DOCK2: variants seen among roughly 807,000 people sequenced by gnomAD.
DOCK2 encodes the protein dedicator of cytokinesis 2.
A neutral mutation model predicts 248.9 loss-of-function variants in DOCK2; 87 were observed. The observed-to-expected ratio is 0.35, with a 90% confidence interval of 0.29 to 0.42. DOCK2 has a LOEUF of 0.42. Among genes scored for constraint, DOCK2 ranks in the 10% least tolerant of loss-of-function variants. The pLI is 1.00. For synonymous variants in DOCK2, 805 were observed against 821.6 expected (o/e 0.98, Z 0.35); for missense variants, 1,747 against 2,300.2 (o/e 0.76, Z 4.92).
chr5:169,714,267 T>C (rs1581082454), intron 18 of DOCK2, 56 bp downstream of exon 18: 1 of 1,607,482 alleles, frequency 6.2e-7, no homozygotes, highest in African/African-American at 1.3e-5. Context: ...CGTGTGTGTG[T>C]ACATGTGTGT....
intron 24 of DOCK2, 89 bp downstream of exon 24, chr5:169,759,864 G>A: frequency 7.0e-7 from 1 of 1,433,176 alleles, no homozygotes. Context: ...GCTCCAGATG[G>A]GCACTCAGCT....
chr5:169,910,675 C>A (rs1561816408), intron 27 of DOCK2, among the ~76,000 whole-genome samples: 2 of 152,196 alleles, frequency 1.3e-5, no homozygotes, highest in Admixed American at 6.5e-5. Context: ...CCAAAATGAC[C>A]TGTTACATCT....
intron 27 of DOCK2, among the ~76,000 whole-genome samples, chr5:169,962,174 T>A (rs1253629267): frequency 6.6e-6 from 1 of 151,666 alleles, no homozygotes; most frequent in African/African-American, 2.4e-5. Context: ...TCTACTCTGG[T>A]TGCTCCCTGG....
At position 169,714,953 on chromosome 5, in the gene DOCK2, A is replaced by C. The variant is rs13356811; in HGVS notation, c.1941+496A>C. On this transcript the variant is annotated intron_variant, in intron 19 of 51. Transcript: ENST00000520908. ...TATATATGTATGTATGTGTGTGAGC[A>C]TATATATGTGTGCATATGTATATAT... Among the ~76,000 whole-genome samples, 582 of 152,310 alleles carry C rather than the reference A, an allele frequency of 3.8e-3. 7 individuals are homozygous for C. Among genetic ancestry groups the C allele is most frequent in the African/African-American group, 0.014 (562 of 41,562 alleles).
intron 45 of DOCK2, 151 bp downstream of exon 45, chr5:170,067,837 T>A: frequency 1.3e-6 from 1 of 789,572 alleles, no homozygotes. Flanking sequence ...CCCTCATGTT[T>A]CTATAGCCTC....
chr5:169,678,815 T>G, intron 6 of DOCK2, among the ~76,000 whole-genome samples: 1 of 141,490 alleles, frequency 7.1e-6, no homozygotes, highest in Non-Finnish European at 1.5e-5. Flanking sequence ...ACATTAGGAG[T>G]GCAGGAAGCA....
intron 27 of DOCK2, among the ~76,000 whole-genome samples, chr5:169,941,908 A>G (rs1776259984): frequency 6.6e-6 from 1 of 152,214 alleles, no homozygotes; most frequent in Admixed American, 6.5e-5. Flanking sequence ...TCTGTCACCT[A>G]TAAATGTCAA....
chr5:169,688,018 G>A (rs1038258593), intron 8 of DOCK2, among the ~76,000 whole-genome samples: 6 of 152,118 alleles, frequency 3.9e-5, no homozygotes, highest in East Asian at 1.9e-4. Context: ...TCCACCTCCC[G>A]GGTTCAAGTG....
intron 27 of DOCK2, among the ~76,000 whole-genome samples, chr5:169,938,910 CTT>C (rs60068204): frequency 7.1e-6 from 1 of 141,214 alleles, no homozygotes; most frequent in African/African-American, 2.6e-5. Context: ...TTTTTCTTTT[CTT>C]TTTTTTTTTG....
chr5:169,975,450 C>T (rs1159456102), intron 27 of DOCK2, among the ~76,000 whole-genome samples: 1 of 152,158 alleles, frequency 6.6e-6, no homozygotes, highest in Non-Finnish European at 1.5e-5. Context: ...GATCAGACTG[C>T]TGCCTGTCTC....
intron 27 of DOCK2, among the ~76,000 whole-genome samples, chr5:169,941,627 TTAAAC>T (rs1776251366): frequency 6.6e-6 from 1 of 152,144 alleles, no homozygotes; most frequent in South Asian, 2.1e-4. Context: ...CTGGACTTGA[TTAAAC>T]TAAGAGCTGT....
At chr5:169,985,252 GCTCACT>G (rs1261196051) in intron 28 of DOCK2, among the ~76,000 whole-genome samples, 2 of 151,934 alleles carry the variant, frequency 1.3e-5, no homozygotes, top group Non-Finnish European at 2.9e-5. Context: ...AAAAAGTATG[GCTCACT>G]GCAAAATCTA....
intron 27 of DOCK2, among the ~76,000 whole-genome samples, chr5:169,972,594 A>AGAT (rs1197155330): frequency 2.5e-5 from 2 of 80,192 alleles, no homozygotes; most frequent in Non-Finnish European, 5.9e-5. Context: ...GATGATAGAT[A>AGAT]GATAGATAGA....
At chr5:170,050,159 C>G in intron 40 of DOCK2, 97 bp from the exon 41 acceptor site, 1 of 1,494,852 alleles carries the variant, frequency 6.7e-7, no homozygotes, top group Non-Finnish European at 9.1e-7. Flanking sequence ...TGGACATCCC[C>G]ATGGACCGTG....
chr5:169,892,362 T>C (rs1266600454), intron 27 of DOCK2, among the ~76,000 whole-genome samples: 1 of 152,252 alleles, frequency 6.6e-6, no homozygotes, highest in Non-Finnish European at 1.5e-5. Context: ...GCTTCTAGCA[T>C]GGAGCAGGAG....
At chr5:169,725,972 T>C (rs1315418797) in intron 22 of DOCK2, among the ~76,000 whole-genome samples, 1 of 152,222 alleles carries the variant, frequency 6.6e-6, no homozygotes, top group Non-Finnish European at 1.5e-5. Context: ...AAAATACATG[T>C]GCATGTGTCT....
chr5:170,077,918 A>G (rs778045266), intron 48 of DOCK2, 81 bp downstream of exon 48: 8 of 1,175,828 alleles, frequency 6.8e-6, no homozygotes, highest in Non-Finnish European at 9.7e-6. Flanking sequence ...CTTCTCCGGC[A>G]ACATCCCTTC....
At chr5:170,009,775 A>G (rs982952736) in intron 32 of DOCK2, among the ~76,000 whole-genome samples, 3 of 152,116 alleles carry the variant, frequency 2.0e-5, no homozygotes, top group East Asian at 3.9e-4. Context: ...AGCGAGTTCT[A>G]TCCACTGTGG....
intron 1 of DOCK2, among the ~76,000 whole-genome samples, chr5:169,647,009 C>A (rs1174309653): frequency 1.3e-5 from 2 of 152,196 alleles, no homozygotes; most frequent in Admixed American, 6.5e-5. Flanking sequence ...CCAGTCATAA[C>A]CTCTCTTTCT....
Sources: gnomAD v4.1 joint callset for allele counts (sites outside exome capture counted in the v4.1 genomes callset) on GRCh38, gnomAD v4.1.1 for gene constraint, MANE v1.5 for transcripts, NCBI Gene and HGNC (gene_info 2026-07-23, HGNC 2026-07-21) for gene names.